Variants in RBFOX1 observed in about 807,000 individuals in gnomAD.
RBFOX1 encodes the protein RNA binding protein fox-1 homolog 1.
RBFOX1 carries 8 observed loss-of-function variants against 57.7 expected under a neutral mutation model. That is an observed-to-expected ratio of 0.14 (90% CI 0.08 to 0.25). The LOEUF is 0.25. Ranked by LOEUF, RBFOX1 falls within the 10% of genes least tolerant of loss-of-function variation. RBFOX1 has a pLI of 1.00. For synonymous variants in RBFOX1, 326 were observed against 222.4 expected, an observed-to-expected ratio of 1.47 and a Z score of -4.15; for missense variants, 611 against 548.5, an observed-to-expected ratio of 1.11 and a Z score of -1.14.
intron 2 of RBFOX1, among the ~76,000 whole-genome samples, chr16:6,653,074 C>T (rs535150188): frequency 6.6e-6 from 1 of 152,122 alleles, no homozygotes; most frequent in Non-Finnish European, 1.5e-5. Context: ...TGCATTTCCC[C>T]CTTGGGGCTT....
chr16:7,543,667 C>CTGTGTG (rs71150310), intron 5 of RBFOX1, among the ~76,000 whole-genome samples: 327 of 141,488 alleles, frequency 2.3e-3, no homozygotes, highest in East Asian at 7.9e-3. Context: ...TGGGCAGTAT[C>CTGTGTG]TGTGTGTGTG....
chr16:6,876,733 G>C (rs1244390351), intron 3 of RBFOX1, among the ~76,000 whole-genome samples: 1 of 152,070 alleles, frequency 6.6e-6, no homozygotes, highest in Non-Finnish European at 1.5e-5. Context: ...AGAACCCATA[G>C]TCCCTGCATT....
upstream of RBFOX1, among the ~76,000 whole-genome samples, chr16:6,014,217 T>C (rs1200407246): frequency 1.3e-5 from 2 of 150,868 alleles, no homozygotes; most frequent in African/African-American, 4.8e-5. Flanking sequence ...CACATGCTTG[T>C]TGCTTTTGTA....
At chr16:7,111,393 A>G (rs984957350) in intron 4 of RBFOX1, among the ~76,000 whole-genome samples, 7 of 152,208 alleles carry the variant, frequency 4.6e-5, no homozygotes, top group South Asian at 4.1e-4. Context: ...TAAATAAATC[A>G]TTTTTATTAT....
At chr16:6,177,195 T>TTG in intron 1 of RBFOX1, among the ~76,000 whole-genome samples, 1 of 151,980 alleles carries the variant, frequency 6.6e-6, no homozygotes. Context: ...TGTTTTTTTT[T>TTG]TTTTTTTCCT....
At chr16:5,518,446 T>C (rs2043877523) in intron 2 of RBFOX1, among the ~76,000 whole-genome samples, 1 of 152,212 alleles carries the variant, frequency 6.6e-6, no homozygotes, top group South Asian at 2.1e-4. Flanking sequence ...CAGATTTTAC[T>C]ACTTGGCAAC....
intron 3 of RBFOX1, among the ~76,000 whole-genome samples, chr16:6,985,243 G>C (rs529090522): frequency 1.5e-4 from 22 of 150,292 alleles, no homozygotes; most frequent in African/African-American, 4.6e-4. Context: ...TCTTTTCTGG[G>C]CTACATGCCA....
At chr16:5,535,832 C>T (rs576818994) in intron 2 of RBFOX1, among the ~76,000 whole-genome samples, 1 of 152,330 alleles carries the variant, frequency 6.6e-6, no homozygotes, top group South Asian at 2.1e-4. Context: ...GACTTGTCGA[C>T]AGACATTTCT....
chr16:6,966,935 CCATT>C (rs1169236496), intron 3 of RBFOX1, among the ~76,000 whole-genome samples: 4 of 132,538 alleles, frequency 3.0e-5, no homozygotes, highest in South Asian at 2.4e-4. Context: ...ATCCATCCAT[CCATT>C]GGCCTACCTA....
chr16:6,661,516 G>A (rs1220793810), intron 3 of RBFOX1, among the ~76,000 whole-genome samples: 1 of 152,158 alleles, frequency 6.6e-6, no homozygotes, highest in Non-Finnish European at 1.5e-5. Context: ...CCCCACAGAA[G>A]GCAAATCTTT....
At position 6,638,058 on chromosome 16, in the gene RBFOX1, C is replaced by T. The variant is rs190025495; in HGVS notation, c.-63-16545C>T. On this transcript the variant is annotated intron_variant, in intron 2 of 15. Coordinates refer to ENST00000550418, the MANE Select transcript of RBFOX1 (RefSeq NM_018723.4). ...AAGACACCTTTAGGGGTAGACTAAA[C>T]TTCTGCCACTCTCTCCCAACAAAAT... Among the ~76,000 whole-genome samples the T allele has an allele frequency of 2.0e-5, 3 of 152,202 alleles. 1 individual carries two copies. The highest frequency in any genetic ancestry group is 7.2e-5 in the African/African-American group (3 of 41,534).
intron 3 of RBFOX1, among the ~76,000 whole-genome samples, chr16:6,674,175 T>A (rs563186934): frequency 3.3e-5 from 5 of 152,162 alleles, no homozygotes; most frequent in Non-Finnish European, 7.4e-5. Context: ...AAAAGATATG[T>A]TGAAGTCCTA....
At chr16:6,707,481 T>G (rs1037663339) in intron 3 of RBFOX1, among the ~76,000 whole-genome samples, 2 of 150,332 alleles carry the variant, frequency 1.3e-5, no homozygotes, top group Non-Finnish European at 3.0e-5. Context: ...CATTTTTGTT[T>G]TTTTTTTTTT....
At chr16:5,694,194 C>A (rs771988123) in intron 3 of RBFOX1, among the ~76,000 whole-genome samples, 1 of 152,172 alleles carries the variant, frequency 6.6e-6, no homozygotes, top group Non-Finnish European at 1.5e-5. Context: ...TTTTTCACAG[C>A]CTAACTGGGG....
intron 2 of RBFOX1, among the ~76,000 whole-genome samples, chr16:6,606,381 T>C (rs913307073): frequency 1.3e-5 from 2 of 152,206 alleles, no homozygotes; most frequent in African/African-American, 4.8e-5. Context: ...AAATTTTATG[T>C]TCTGGGGTAC....
At chr16:7,053,112 C>G (rs1301111519) in intron 4 of RBFOX1, among the ~76,000 whole-genome samples, 1 of 152,188 alleles carries the variant, frequency 6.6e-6, no homozygotes, top group African/African-American at 2.4e-5. Flanking sequence ...ATGATAGTCT[C>G]ATGATGGCAA....
intron 3 of RBFOX1, chr16:6,704,681 C>G (rs978246672): frequency 1.3e-5 from 2 of 152,266 alleles, no homozygotes; most frequent in African/African-American, 4.8e-5. Context: ...GCCTATTTAT[C>G]CCAAATCCAT....
chr16:5,319,820 G>T (rs956016381), intron 1 of RBFOX1, among the ~76,000 whole-genome samples: 8 of 152,190 alleles, frequency 5.3e-5, no homozygotes, highest in African/African-American at 1.2e-4. Context: ...AGGGATCCAG[G>T]CTCCTTCAAC....
intron 3 of RBFOX1, among the ~76,000 whole-genome samples, chr16:6,847,400 C>G (rs1317488619): frequency 6.6e-6 from 1 of 151,962 alleles, no homozygotes; most frequent in East Asian, 1.9e-4. Flanking sequence ...GGGGCCGGGT[C>G]TAGGGGAAGC....
Sources: gnomAD v4.1 joint callset for allele counts (sites outside exome capture counted in the v4.1 genomes callset) on GRCh38, gnomAD v4.1.1 for gene constraint, MANE v1.5 for transcripts, NCBI Gene and HGNC (gene_info 2026-07-23, HGNC 2026-07-21) for gene names.